SULF1: variants seen among roughly 807,000 people sequenced by gnomAD.
The protein encoded by SULF1 is extracellular sulfatase Sulf-1.
Under a neutral mutation model 110.5 loss-of-function variants are expected in SULF1, and 46 were observed. That is an observed-to-expected ratio of 0.42 (90% confidence interval 0.33 to 0.53). The LOEUF is 0.53. SULF1 is among the 20% of genes least tolerant of loss of function. The pLI is 0.12. For missense variants in SULF1, 941 were observed against 1,094.2 expected, an observed-to-expected ratio of 0.86 and a Z score of 1.98; for synonymous variants, 371 against 387.1, an observed-to-expected ratio of 0.96 and a Z score of 0.49.
rs1563572655 is a variant in SULF1, at chr8:69,600,672, GC to G, written c.807del (p.Ile270SerfsTer17). The G allele has an allele frequency of 6.2e-7, 1 of 1,614,038 alleles. No homozygotes were observed. The highest frequency in any genetic ancestry group is 8.5e-7 in the Non-Finnish European group (1 of 1,179,928). ...TTATGCAGTACACAGGACCAATGCT[GC>G]CCATCCACATGGAATTTACAAACAT... ...WIMQYTGPML[P>X]IHMEFTNILQ... On this transcript the variant is annotated frameshift_variant, in exon 9 of 23. Coordinates refer to ENST00000402687, the MANE Select transcript of SULF1 (RefSeq NM_001128205.2). LOFTEE classifies it high-confidence loss of function.
At chr8:69,642,517 C>A in intron 22 of SULF1, 2 of 492,202 alleles carry the variant, frequency 4.1e-6, no homozygotes, top group Non-Finnish European at 5.3e-6. Flanking sequence ...AGACCCCATC[C>A]TTGAGCTGGT....
chr8:69,624,445 A>G (rs1809844836), intron 15 of SULF1, among the ~76,000 whole-genome samples: 1 of 152,234 alleles, frequency 6.6e-6, no homozygotes, highest in Admixed American at 6.5e-5. Flanking sequence ...AGTAATTCAC[A>G]TTAAGGCTGA....
intron 5 of SULF1, among the ~76,000 whole-genome samples, chr8:69,570,927 C>A (rs552710479): frequency 6.6e-6 from 1 of 152,272 alleles, no homozygotes; most frequent in Non-Finnish European, 1.5e-5. Flanking sequence ...TCAAGCCAGC[C>A]CAGTCAGCAG....
In SULF1 at chr8:69,567,014, C is replaced by T. The variant is rs889946865; in HGVS notation, c.172+2867C>T. On this transcript the variant is annotated intron_variant, in intron 5 of 22. Transcript: ENST00000402687. ...CCAGACCTGTATTAGATCTGAGTCT[C>T]CACAGCTACGTATTTAACCACTGTC... Among the ~76,000 whole-genome samples, 3 of 152,312 alleles carry T rather than the reference C, an allele frequency of 2.0e-5. No homozygotes were observed. The East Asian group carries it at 5.8e-4, about 29-fold the overall frequency.
intron 3 of SULF1, among the ~76,000 whole-genome samples, chr8:69,552,407 C>T (rs1386673099): frequency 6.6e-6 from 1 of 152,202 alleles, no homozygotes; most frequent in East Asian, 1.9e-4. Flanking sequence ...TGACTCTAGC[C>T]TGGATCTTCA....
chr8:69,479,405 G>GT (rs1205695808), intron 1 of SULF1, among the ~76,000 whole-genome samples: 8 of 152,072 alleles, frequency 5.3e-5, no homozygotes, highest in Admixed American at 3.3e-4. Context: ...CGTATTGGGT[G>GT]TTTTTTTCTT....
chr8:69,547,452 G>A (rs985227887), intron 3 of SULF1, among the ~76,000 whole-genome samples: 2 of 152,192 alleles, frequency 1.3e-5, no homozygotes, highest in African/African-American at 2.4e-5. Flanking sequence ...CTAAATATGT[G>A]TTAGAGGAAA....
intron 1 of SULF1, among the ~76,000 whole-genome samples, chr8:69,486,911 G>A (rs550332805): frequency 3.9e-5 from 6 of 152,172 alleles, no homozygotes; most frequent in Non-Finnish European, 8.8e-5. Context: ...AGGCATGCGC[G>A]CACTTACTTA....
At chr8:69,588,493 C>T (rs542509492) in intron 7 of SULF1, among the ~76,000 whole-genome samples, 106 of 151,858 alleles carry the variant, frequency 7.0e-4, no homozygotes, top group Non-Finnish European at 1.1e-3. Context: ...TATTCATGGG[C>T]GTGTGTGTGT....
At chr8:69,638,341 CG>C (rs1243373461) in intron 19 of SULF1, 160 bp from the exon 20 acceptor site, 2 of 808,718 alleles carry the variant, frequency 2.5e-6, no homozygotes, top group Non-Finnish European at 3.8e-6. Context: ...AATTTACCTA[CG>C]GGGGGAAAGG....
At chr8:69,549,012 C>A (rs573386213) in intron 3 of SULF1, among the ~76,000 whole-genome samples, 26 of 152,316 alleles carry the variant, frequency 1.7e-4, no homozygotes, top group African/African-American at 6.0e-4. Context: ...ATACCCACCC[C>A]ACCCTGGGCT....
Position 69,622,267 on chromosome 8 carries a change from C to A in SULF1, c.1594+1016C>A, listed in dbSNP as rs114305831. Among the ~76,000 whole-genome samples, 851 of 152,214 alleles carry A rather than the reference C, an allele frequency of 5.6e-3. 6 individuals are homozygous for A. The highest frequency in any genetic ancestry group is 0.02 in the African/African-American group (814 of 41,546). On this transcript the variant is annotated intron_variant, in intron 14 of 22. Coordinates refer to ENST00000402687, the MANE Select transcript of SULF1 (RefSeq NM_001128205.2). ...AAAATTCCAGGTCTAATAACTCACA[C>A]AAAGATATCAAATTTCTGAAAATCA...
intron 3 of SULF1, among the ~76,000 whole-genome samples, chr8:69,504,930 A>T (rs749432000): frequency 5.3e-5 from 8 of 152,192 alleles, no homozygotes; most frequent in Non-Finnish European, 8.8e-5. Context: ...TGGACCTTAG[A>T]GTTTCAAAAT....
chr8:69,508,923 G>T (rs1213469998), intron 3 of SULF1, among the ~76,000 whole-genome samples: 4 of 152,130 alleles, frequency 2.6e-5, no homozygotes, highest in Non-Finnish European at 1.5e-5. Context: ...TCTCTTCATG[G>T]TAAGTAGCCA....
At chr8:69,559,713 C>T (rs1470911039) in intron 3 of SULF1, among the ~76,000 whole-genome samples, 3 of 152,120 alleles carry the variant, frequency 2.0e-5, no homozygotes, top group African/African-American at 4.8e-5. Context: ...GCTCAGCCAC[C>T]TTCATGCTTT....
intron 12 of SULF1, 49 bp downstream of exon 12, chr8:69,603,705 G>T: frequency 1.6e-6 from 2 of 1,229,962 alleles, no homozygotes; most frequent in Non-Finnish European, 2.4e-6. Context: ...CTAGTGGGCA[G>T]CTTTCCCTGC....
Position 69,586,464 on chromosome 8 carries a change from T to G in SULF1, c.520T>G (p.Cys174Gly). ...KNSRFYNYTV[C>G]RNGIKEKHGF... The stretch of plus-strand genomic sequence containing the variant: ...TTCTCGCTTCTATAATTACACTGTT[T>G]GTCGCAATGGCATCAAAGAAAAGCA... The change falls in exon 7 of 23, where the codon TGT becomes GGT. Residue 174 changes from cysteine to glycine, a missense_variant. This residue lies in a region of SULF1 where 822 missense variants were observed against 934.3 expected (regional missense o/e 0.88). Transcript: ENST00000402687. 1 of 1,612,270 alleles carries G rather than the reference T, an allele frequency of 6.2e-7. No individual in the cohort carries two copies. The highest frequency in any genetic ancestry group is 8.5e-7 in the Non-Finnish European group (1 of 1,179,596).
At chr8:69,626,506 C>G (rs796310363) in intron 15 of SULF1, among the ~76,000 whole-genome samples, 4 of 152,330 alleles carry the variant, frequency 2.6e-5, no homozygotes, top group African/African-American at 9.6e-5. Context: ...CTTGGGTGGT[C>G]GATGGGACTG....
intron 11 of SULF1, 77 bp from the exon 12 acceptor site, chr8:69,603,523 T>C: frequency 7.4e-7 from 1 of 1,347,744 alleles, no homozygotes; most frequent in Non-Finnish European, 1.1e-6. Flanking sequence ...AGGTGTTTCT[T>C]TAAATAAGCT....
Sources: gnomAD v4.1 joint callset for allele counts (sites outside exome capture counted in the v4.1 genomes callset) on GRCh38, gnomAD v4.1.1 for gene constraint, gnomAD v4.1.1 regional missense constraint, MANE v1.5 for transcripts, NCBI Gene and HGNC (gene_info 2026-07-23, HGNC 2026-07-21) for gene names.